PCDHGA7: variants seen among roughly 807,000 people sequenced by gnomAD.
PCDHGA7 encodes protocadherin gamma subfamily A, 7.
Under a neutral mutation model 58.3 loss-of-function variants are expected in PCDHGA7, and 44 were observed. The ratio of observed to expected loss-of-function variants is 0.75; its 90% CI spans 0.59 to 0.97. The LOEUF is 0.97. PCDHGA7 is among the 50% of genes least tolerant of loss of function. PCDHGA7 has a pLI of 0.00. For synonymous variants in PCDHGA7, 516 were observed against 504.2 expected, an observed-to-expected ratio of 1.02 and a Z score of -0.31; for missense variants, 1,266 against 1,188.7, an observed-to-expected ratio of 1.06 and a Z score of -0.96.
Position 141,383,518 on chromosome 5 carries a change from G to A in PCDHGA7, c.619G>A (p.Val207Ile), listed in dbSNP as rs1286743255. The A allele has an allele frequency of 2.5e-6, 4 of 1,612,554 alleles. 1 individual carries two copies. The highest frequency in any genetic ancestry group is 2.2e-5 in the South Asian group (2 of 90,928). Residue 207 changes from valine to isoleucine, a missense_variant, in exon 1 of 4, where the codon GTT becomes ATT. Physicochemically the swap from Val to Ile is conservative, Grantham distance 29. Coordinates refer to ENST00000518325, the MANE Select transcript of PCDHGA7 (RefSeq NM_018920.4). The stretch of plus-strand genomic sequence containing the variant: ...GGTGCTGGACCGGGAGGAAGAGCGG[G>A]TTCACCACCTGGTCCTCACAGCCTC... The part of the protein sequence containing the change: ...ERVLDREEER[V>I]HHLVLTASDG...
In PCDHGA7 at chr5:141,398,481, C is replaced by T. The variant is rs377302058; in HGVS notation, c.2424+13158C>T. ...CTGAAAATCCACTGAACTTTTATCACGTGAATGTGGAGATCGAGGACATTA... is the reference window on the plus strand; with the variant it reads ...CTGAAAATCCACTGAACTTTTATCATGTGAATGTGGAGATCGAGGACATTA... On this transcript the variant is annotated intron_variant, in intron 1 of 3. Transcript: ENST00000518325. The T allele has an allele frequency of 6.8e-6, 11 of 1,607,008 alleles. No individual in the cohort carries two copies. In the African/African-American group the frequency reaches 8.1e-5, roughly 12 times the overall value.
At chr5:141,484,352 T>A (rs112226980) in intron 1 of PCDHGA7, among the ~76,000 whole-genome samples, 8,127 of 152,270 alleles carry the variant, frequency 0.053, 445 homozygotes, top group African/African-American at 0.15. Context: ...TAATTTAGTG[T>A]ATCTAGTGTA....
intron 1 of PCDHGA7, chr5:141,421,851 T>G: frequency 6.2e-7 from 1 of 1,613,714 alleles, no homozygotes; most frequent in East Asian, 2.2e-5. Context: ...AAGAGGCTGC[T>G]CACCTGCTCC....
chr5:141,422,421 T>C, intron 1 of PCDHGA7: 1 of 1,607,810 alleles, frequency 6.2e-7, no homozygotes, highest in Non-Finnish European at 8.5e-7. Context: ...TAGAAAAGAC[T>C]TATGGAAATT....
At chr5:141,452,003 T>C (rs1031228207) in intron 1 of PCDHGA7, among the ~76,000 whole-genome samples, 2 of 152,210 alleles carry the variant, frequency 1.3e-5, no homozygotes, top group Non-Finnish European at 2.9e-5. Context: ...CAAAATCACT[T>C]GGTCCAGCCC....
In PCDHGA7 at chr5:141,476,327, G is replaced by A. The variant is rs2099389169; in HGVS notation, c.2425-18480G>A. The A allele has an allele frequency of 1.2e-6, 2 of 1,614,192 alleles. No individual in the cohort carries two copies. Among genetic ancestry groups the A allele is most frequent in the African/African-American group, 1.3e-5 (1 of 75,046 alleles). On this transcript the variant is annotated intron_variant, in intron 1 of 3. Transcript: ENST00000518325. The surrounding 1 kb of genome is among the most constrained non-coding windows in gnomAD (Gnocchi z 7.6). ...AGCCCGCAGGTTCCGGGTGGTGTCT[G>A]GAGCTAGCCGAAGATTCTTTGAGGT...
Position 141,485,117 on chromosome 5 carries a change from G to A in PCDHGA7, c.2425-9690G>A. The A allele has an allele frequency of 3.0e-6, 4 of 1,326,200 alleles. No homozygotes were observed. The highest frequency in any genetic ancestry group is 4.3e-6 in the Non-Finnish European group (4 of 933,470). 82.2% of individuals were successfully genotyped at this position (1,326,200 alleles called of 1,614,324 possible). On this transcript the variant is annotated intron_variant, in intron 1 of 3. Transcript: ENST00000518325. The surrounding 1 kb of genome is among the most constrained non-coding windows in gnomAD (Gnocchi z 5.7). ...GTCTCCAGCTGCTGTGGCTGTTTGG[G>A]GCGGGTCGGCTTCATCCGCGTCTCA...
intron 1 of PCDHGA7, chr5:141,399,531 G>A (rs771221717): frequency 1.2e-6 from 2 of 1,614,052 alleles, no homozygotes; most frequent in Non-Finnish European, 1.7e-6. Flanking sequence ...CCTCCATCGC[G>A]CAAGTCTGCG....
intron 1 of PCDHGA7, among the ~76,000 whole-genome samples, chr5:141,473,990 G>A (rs988540565): frequency 2.0e-5 from 3 of 152,130 alleles, no homozygotes; most frequent in African/African-American, 7.2e-5. Flanking sequence ...GATCCCTTGA[G>A]CCCAAGGAGC....
rs568314069 is a variant in PCDHGA7 at position 141,486,371 on chromosome 5, G to C, written c.2425-8436G>C. 53 of 1,614,138 alleles carry C rather than the reference G, an allele frequency of 3.3e-5. 2 individuals are homozygous for C. The South Asian group carries it at 5.3e-4, about 16-fold the overall frequency. Reference sequence around the variant, plus strand: ...CCACTTGCCATTTGCCCTCAAGTCTGCCTTCAGGAACCAGTTCTCCCTGGT... The same window carrying C: ...CCACTTGCCATTTGCCCTCAAGTCTCCCTTCAGGAACCAGTTCTCCCTGGT... On this transcript the variant is annotated intron_variant, in intron 1 of 3. Transcript: ENST00000518325. The surrounding 1 kb of genome is among the most constrained non-coding windows in gnomAD (Gnocchi z 5.0).
rs566635689 is a variant in PCDHGA7, at chr5:141,469,738, C to G, written c.2425-25069C>G. ...AGGAATTTATCATAAATACACACCT[C>G]AAAAATTACAAAAATACATATATAC... is the stretch of plus-strand genomic sequence containing the variant. On this transcript the variant is annotated intron_variant, in intron 1 of 3. Transcript: ENST00000518325. 6.7e-4 allele frequency among the ~76,000 whole-genome samples: 102 copies of G among 152,292 alleles called. 2 individuals are homozygous for G. Among genetic ancestry groups the G allele is most frequent in the African/African-American group, 2.4e-3 (99 of 41,552 alleles).
At position 141,433,030 on chromosome 5, in the gene PCDHGA7, T is replaced by C. The variant is rs116611363; in HGVS notation, c.2424+47707T>C. ...TCCTGCAGACCTATTCCCACGAGGTTTCCCTCACCACGGACTCGCGGAAGA... is the reference window on the plus strand; with the variant it reads ...TCCTGCAGACCTATTCCCACGAGGTCTCCCTCACCACGGACTCGCGGAAGA... On this transcript the variant is annotated intron_variant, in intron 1 of 3. Transcript: ENST00000518325. 10,352 of 1,614,096 alleles carry C rather than the reference T, an allele frequency of 6.4e-3. 43 individuals are homozygous for C. The highest frequency in any genetic ancestry group is 8.6e-3 in the Middle Eastern group (52 of 6,062).
chr5:141,453,546 C>T lies in PCDHGA7; in HGVS notation c.2425-41261C>T, dbSNP rs116481133. Among the ~76,000 whole-genome samples, 695 of 152,296 alleles carry T rather than the reference C, an allele frequency of 4.6e-3. 4 individuals are homozygous for T. Among genetic ancestry groups the T allele is most frequent in the African/African-American group, 0.015 (634 of 41,558 alleles). On this transcript the variant is annotated intron_variant, in intron 1 of 3. Transcript: ENST00000518325. ...TACCTTCTGCCTCATTCACACCACA[C>T]TCTGTAGATAATCGATTTCATTAGT...
intron 1 of PCDHGA7, chr5:141,405,058 T>C (rs1174407561): frequency 1.2e-6 from 2 of 1,613,912 alleles, no homozygotes; most frequent in East Asian, 2.2e-5. Flanking sequence ...TCGTCTCCTG[T>C]GTCTTCCTCA....
chr5:141,409,714 C>T (rs1053132512), intron 1 of PCDHGA7: 1 of 1,613,226 alleles, frequency 6.2e-7, no homozygotes, highest in Non-Finnish European at 8.5e-7. Flanking sequence ...TGTCGTCATA[C>T]GTGTCAGTGA....
chr5:141,412,000 C>G (rs936679371), intron 1 of PCDHGA7: 4 of 151,788 alleles, frequency 2.6e-5, no homozygotes, highest in East Asian at 1.9e-4. Flanking sequence ...GGCATAGTGA[C>G]ATAAACACTT....
chr5:141,399,314 A>G, intron 1 of PCDHGA7: 1 of 1,613,988 alleles, frequency 6.2e-7, no homozygotes, highest in African/African-American at 1.3e-5. Flanking sequence ...TCATCCAAAA[A>G]TTCGTATAAG....
chr5:141,408,855 G>T, intron 1 of PCDHGA7: 1 of 1,613,572 alleles, frequency 6.2e-7, no homozygotes, highest in Non-Finnish European at 8.5e-7. Context: ...TTGGACGGAG[G>T]GGACCCACCA....
At chr5:141,492,509 C>T (rs1276866000) in intron 1 of PCDHGA7, among the ~76,000 whole-genome samples, 1 of 152,216 alleles carries the variant, frequency 6.6e-6, no homozygotes, top group African/African-American at 2.4e-5. Context: ...CCGGAGCCTC[C>T]TCTCACCTCT....
Sources: allele counts gnomAD v4.1 joint callset (sites outside exome capture counted in the v4.1 genomes callset), GRCh38; gene constraint gnomAD v4.1.1; non-coding constraint Gnocchi (gnomAD v3.1); transcripts MANE v1.5; gene names NCBI Gene and HGNC (gene_info 2026-07-23, HGNC 2026-07-21).